Variants in RBFOX1 observed in about 807,000 individuals in gnomAD.
The protein encoded by RBFOX1 is RNA binding protein fox-1 homolog 1.
RBFOX1 carries 8 observed loss-of-function variants against 57.7 expected under a neutral mutation model. The ratio of observed to expected loss-of-function variants is 0.14; its 90% CI spans 0.08 to 0.25. The LOEUF (loss-of-function observed/expected upper bound fraction) is 0.25. Ranked by LOEUF, RBFOX1 falls within the 10% of genes least tolerant of loss-of-function variation. The pLI, the probability that RBFOX1 is intolerant of heterozygous loss-of-function variation, is 1.00. For missense variants in RBFOX1, 611 were observed against 548.5 expected (o/e 1.11, Z -1.14); for synonymous variants, 326 against 222.4 (o/e 1.47, Z -4.15).
chr16:6,490,510 C>G (rs1210741961), intron 2 of RBFOX1, among the ~76,000 whole-genome samples: 1 of 152,224 alleles, frequency 6.6e-6, no homozygotes, highest in Non-Finnish European at 1.5e-5. Flanking sequence ...GCTTACCAAT[C>G]TAAATTTGTA....
At chr16:6,174,267 A>T (rs1407983304) in intron 1 of RBFOX1, among the ~76,000 whole-genome samples, 2 of 152,188 alleles carry the variant, frequency 1.3e-5, no homozygotes, top group African/African-American at 2.4e-5. Flanking sequence ...TTGCGCTGTC[A>T]TCAGAAAGCA....
At chr16:7,484,633 T>C (rs940664229) in intron 4 of RBFOX1, among the ~76,000 whole-genome samples, 10 of 152,098 alleles carry the variant, frequency 6.6e-5, no homozygotes, top group African/African-American at 2.4e-4. Context: ...TGGCTAATTT[T>C]TTGTATTTTT....
chr16:6,485,168 C>T (rs1212018123), intron 2 of RBFOX1, among the ~76,000 whole-genome samples: 1 of 152,192 alleles, frequency 6.6e-6, no homozygotes, highest in Non-Finnish European at 1.5e-5. Context: ...CACTCAGGCT[C>T]ACAGGAATCC....
At chr16:6,421,892 GTCCTGTTCC>G (rs1159955624) in intron 2 of RBFOX1, among the ~76,000 whole-genome samples, 1 of 149,728 alleles carries the variant, frequency 6.7e-6, no homozygotes, top group East Asian at 2.0e-4. Context: ...CCATTTCCTG[GTCCTGTTCC>G]TCCTGTTTAG....
chr16:6,405,713 C>A (rs1184840053), intron 2 of RBFOX1, among the ~76,000 whole-genome samples: 1 of 152,158 alleles, frequency 6.6e-6, no homozygotes, highest in Admixed American at 6.5e-5. Flanking sequence ...ACATGACAAA[C>A]TGTAATTCCA....
chr16:7,273,914 A>G (rs569050394), intron 4 of RBFOX1, among the ~76,000 whole-genome samples: 1 of 152,194 alleles, frequency 6.6e-6, no homozygotes, highest in Admixed American at 6.5e-5. Context: ...GTTGTCATTG[A>G]TTGCTTCTGT....
chr16:6,149,202 T>G (rs2096780399), intron 1 of RBFOX1, among the ~76,000 whole-genome samples: 1 of 152,226 alleles, frequency 6.6e-6, no homozygotes. Context: ...AAGTTCTTTG[T>G]GTGTGTATGT....
At chr16:5,696,884 A>T (rs1348408230) in intron 3 of RBFOX1, among the ~76,000 whole-genome samples, 1 of 152,068 alleles carries the variant, frequency 6.6e-6, no homozygotes, top group African/African-American at 2.4e-5. Context: ...TTCTGTACAC[A>T]TATATACTTA....
intron 2 of RBFOX1, among the ~76,000 whole-genome samples, chr16:6,348,338 T>A (rs2085723524): frequency 6.6e-6 from 1 of 152,118 alleles, no homozygotes; most frequent in Admixed American, 6.5e-5. Flanking sequence ...ACCATATGCT[T>A]CTTGGAGAAT....
At chr16:5,624,226 G>C (rs975112253) in intron 3 of RBFOX1, among the ~76,000 whole-genome samples, 2 of 152,150 alleles carry the variant, frequency 1.3e-5, no homozygotes, top group African/African-American at 4.8e-5. Flanking sequence ...ACGGAGTCTC[G>C]CTCTGTCGCC....
intron 2 of RBFOX1, among the ~76,000 whole-genome samples, chr16:6,453,167 G>A (rs2094676891): frequency 6.6e-6 from 1 of 151,926 alleles, no homozygotes; most frequent in Non-Finnish European, 1.5e-5. Flanking sequence ...GAACGTGCAA[G>A]TTCGTTACAT....
At chr16:5,660,375 TA>T (rs2049605689) in intron 3 of RBFOX1, among the ~76,000 whole-genome samples, 1 of 152,158 alleles carries the variant, frequency 6.6e-6, no homozygotes, top group South Asian at 2.1e-4. Context: ...GTCCGGTGAC[TA>T]TGAAGGGGTC....
intron 3 of RBFOX1, among the ~76,000 whole-genome samples, chr16:5,787,208 G>A (rs764321878): frequency 6.6e-6 from 1 of 152,140 alleles, no homozygotes; most frequent in Non-Finnish European, 1.5e-5. Flanking sequence ...ACTCCACAGG[G>A]CCCTTTCACT....
At chr16:5,457,398 G>A (rs543898126) in intron 1 of RBFOX1, among the ~76,000 whole-genome samples, 1 of 152,202 alleles carries the variant, frequency 6.6e-6, no homozygotes, top group Admixed American at 6.5e-5. Context: ...GCCTGTCAAA[G>A]TGCTGGGATT....
chr16:7,351,063 C>T (rs932589270), intron 4 of RBFOX1, among the ~76,000 whole-genome samples: 2 of 152,306 alleles, frequency 1.3e-5, no homozygotes, highest in South Asian at 2.1e-4. Context: ...GTTCTGTCTT[C>T]GGGATGGCTG....
At chr16:5,726,494 G>T (rs900561595) in intron 3 of RBFOX1, among the ~76,000 whole-genome samples, 1 of 152,110 alleles carries the variant, frequency 6.6e-6, no homozygotes, top group Non-Finnish European at 1.5e-5. Context: ...CCTTCACTCT[G>T]TGGTGACCAG....
intron 3 of RBFOX1, among the ~76,000 whole-genome samples, chr16:6,830,997 G>A (rs1197607027): frequency 6.6e-6 from 1 of 152,174 alleles, no homozygotes; most frequent in African/African-American, 2.4e-5. Context: ...GGATGCCATA[G>A]AACCTTCGGA....
intron 1 of RBFOX1, among the ~76,000 whole-genome samples, chr16:6,264,847 T>G (rs561573362): frequency 3.3e-5 from 5 of 152,336 alleles, no homozygotes; most frequent in African/African-American, 1.2e-4. Flanking sequence ...GAAATTTCTT[T>G]TCCTTGATTA....
chr16:7,255,212 G>A (rs2094629537), intron 4 of RBFOX1, among the ~76,000 whole-genome samples: 1 of 152,174 alleles, frequency 6.6e-6, no homozygotes, highest in Non-Finnish European at 1.5e-5. Flanking sequence ...GACTTGCTTA[G>A]TGATAAACAG....
Sources: gnomAD v4.1 joint callset for allele counts (sites outside exome capture counted in the v4.1 genomes callset) on GRCh38, gnomAD v4.1.1 for gene constraint, MANE v1.5 for transcripts, NCBI Gene and HGNC (gene_info 2026-07-23, HGNC 2026-07-21) for gene names.